The following ATL2 variants were observed in gnomAD, a reference collection of about 807,000 sequenced individuals.
ATL2 encodes atlastin-2.
Under a neutral mutation model 73.9 loss-of-function variants are expected in ATL2, and 31 were observed. The ratio of observed to expected loss-of-function variants is 0.42; its 90% CI spans 0.32 to 0.57. The LOEUF (loss-of-function observed/expected upper bound fraction) is 0.57. ATL2 is among the 20% of genes least tolerant of loss of function. The pLI, the probability that ATL2 is intolerant of heterozygous loss-of-function variation, is 0.14. For missense variants in ATL2, 738 were observed against 702.6 expected, an observed-to-expected ratio of 1.05 and a Z score of -0.57; for synonymous variants, 291 against 237.5, an observed-to-expected ratio of 1.23 and a Z score of -2.07.
At chr2:38,376,993 G>A (rs1319025599) in intron 1 of ATL2, 150 bp downstream of exon 1, 4 of 547,634 alleles carry the variant, frequency 7.3e-6, no homozygotes, top group African/African-American at 4.1e-5. Context: ...CGCGGCTGAG[G>A]CTAGGCCCGG....
chr2:38,377,032 T>C lies in ATL2; in HGVS notation c.118+111A>G, dbSNP rs1043384298. ...GCAGGCGCGGCGGCGGGAGGAGACC[T>C]GAACCAGCCGCGGACTCCGACCCCG... On this transcript the variant is annotated intron_variant, in intron 1 of 12. Coordinates refer to ENST00000378954, the MANE Select transcript of ATL2 (RefSeq NM_001135673.4). 6 of 984,168 alleles carry C rather than the reference T, an allele frequency of 6.1e-6. No individual in the cohort carries two copies. The African/African-American group carries it at 8.7e-5, about 14-fold the overall frequency. 61.0% of individuals were successfully genotyped at this position (984,168 alleles called of 1,614,324 possible).
intron 1 of ATL2, among the ~76,000 whole-genome samples, chr2:38,367,776 G>A (rs1158174460): frequency 6.6e-6 from 1 of 150,912 alleles, no homozygotes; most frequent in Admixed American, 6.6e-5. Context: ...GGGATTACAG[G>A]CGCTTGCCAC....
intron 2 of ATL2, among the ~76,000 whole-genome samples, chr2:38,332,214 T>G (rs890121358): frequency 6.7e-6 from 1 of 150,012 alleles, no homozygotes; most frequent in African/African-American, 2.5e-5. Flanking sequence ...TGATGGAAAC[T>G]TTGTTTCTTT....
rs1228096563 is a variant in ATL2, at chr2:38,315,266, A to G, written c.654+18T>C. ...AACTCCATCTCAAAAAATAAAAATT[A>G]AAAAAAGAAATACGTACTTGCAAAT... is the stretch of plus-strand genomic sequence containing the variant. On this transcript the variant is annotated intron_variant, in intron 5 of 12. Transcript: ENST00000378954. 2 of 1,474,974 alleles carry G rather than the reference A, an allele frequency of 1.4e-6. No homozygotes were observed. Among genetic ancestry groups the G allele is most frequent in the South Asian group, 2.9e-5 (2 of 69,938 alleles). 91.4% of individuals were successfully genotyped at this position (1,474,974 alleles called of 1,614,324 possible).
intron 1 of ATL2, among the ~76,000 whole-genome samples, chr2:38,347,530 CAT>C (rs933173150): frequency 2.6e-5 from 4 of 152,142 alleles, no homozygotes; most frequent in African/African-American, 9.7e-5. Flanking sequence ...CAGGTTTATT[CAT>C]AGTTTTTTTC....
intron 1 of ATL2, chr2:38,376,076 T>C (rs774697267): frequency 7.0e-7 from 1 of 1,418,526 alleles, no homozygotes; most frequent in Non-Finnish European, 9.3e-7. Context: ...CGAGCTCGTA[T>C]CTGTATTTAA....
chr2:38,316,620 T>C (rs568592925), intron 4 of ATL2, among the ~76,000 whole-genome samples: 2 of 152,096 alleles, frequency 1.3e-5, no homozygotes, highest in Non-Finnish European at 2.9e-5. Context: ...TCTTGGTTAT[T>C]TATACTTTAC....
intron 5 of ATL2, 93 bp downstream of exon 5, chr2:38,315,191 C>T: frequency 8.1e-7 from 1 of 1,239,696 alleles, no homozygotes; most frequent in Non-Finnish European, 1.0e-6. Context: ...GGGGAGGTTG[C>T]AGTGAACCAA....
At chr2:38,371,934 C>T (rs1331243460) in intron 1 of ATL2, among the ~76,000 whole-genome samples, 1 of 151,792 alleles carries the variant, frequency 6.6e-6, no homozygotes, top group Non-Finnish European at 1.5e-5. Context: ...CATCATAGAC[C>T]TAGTATTAAA....
At chr2:38,369,116 G>A (rs375545343) in intron 1 of ATL2, among the ~76,000 whole-genome samples, 1 of 152,106 alleles carries the variant, frequency 6.6e-6, no homozygotes, top group East Asian at 1.9e-4. Flanking sequence ...ATGAATAAAT[G>A]GGTAAAACCT....
chr2:38,328,469 A>T (rs1031715556), intron 2 of ATL2, among the ~76,000 whole-genome samples: 1 of 152,244 alleles, frequency 6.6e-6, no homozygotes, highest in Non-Finnish European at 1.5e-5. Flanking sequence ...GATAATACAA[A>T]GTATGCTCTC....
intron 1 of ATL2, among the ~76,000 whole-genome samples, chr2:38,370,130 G>A (rs1016276588): frequency 7.0e-6 from 1 of 142,020 alleles, no homozygotes; most frequent in Non-Finnish European, 1.5e-5. Flanking sequence ...ACTCCAACCT[G>A]GGCGACAGCG....
chr2:38,360,618 G>T (rs1670957937), intron 1 of ATL2, among the ~76,000 whole-genome samples: 1 of 152,060 alleles, frequency 6.6e-6, no homozygotes, highest in South Asian at 2.1e-4. Flanking sequence ...CAGAAATTCA[G>T]ACATTTTATT....
At chr2:38,376,870 C>A (rs992315780) in intron 1 of ATL2, among the ~76,000 whole-genome samples, 16 of 150,598 alleles carry the variant, frequency 1.1e-4, no homozygotes, top group African/African-American at 3.9e-4. Context: ...GGCGGGCTGG[C>A]GGGCAGGGGG....
intron 9 of ATL2, among the ~76,000 whole-genome samples, chr2:38,302,292 G>C (rs987055685): frequency 2.6e-5 from 4 of 151,902 alleles, no homozygotes; most frequent in African/African-American, 9.7e-5. Context: ...AGAGTCTCCT[G>C]CTTGAGTAAA....
In ATL2 at chr2:38,348,745, A is replaced by C. The variant is rs958813061; in HGVS notation, c.119-5233T>G. ...TCAGAGTGAACAGGCAACCTACAAAATGGGAGAAAATTTTCGCAACCTACT... is the reference window on the plus strand; with the variant it reads ...TCAGAGTGAACAGGCAACCTACAAACTGGGAGAAAATTTTCGCAACCTACT... On this transcript the variant is annotated intron_variant, in intron 1 of 12. Coordinates refer to ENST00000378954, the MANE Select transcript of ATL2 (RefSeq NM_001135673.4). Among the ~76,000 whole-genome samples, 10 of 151,936 alleles carry C rather than the reference A, an allele frequency of 6.6e-5. No homozygotes were observed. The Middle Eastern group carries it at 0.01, about 155-fold the overall frequency.
At position 38,366,107 on chromosome 2, in the gene ATL2, A is replaced by C. The variant is rs547695999; in HGVS notation, c.118+11036T>G. ...AAATGTGACTAATTTGAAAAAAAAA[A>C]AAAAAACAAAGATAAAGTCAGAGCT... is the stretch of plus-strand genomic sequence containing the variant. On this transcript the variant is annotated intron_variant, in intron 1 of 12. Transcript: ENST00000378954. Among the ~76,000 whole-genome samples, 4 of 152,142 alleles carry C rather than the reference A, an allele frequency of 2.6e-5. No homozygotes were observed. In the South Asian group the frequency reaches 6.2e-4, roughly 24 times the overall value.
intron 9 of ATL2, among the ~76,000 whole-genome samples, chr2:38,301,099 T>C (rs1667166391): frequency 6.6e-6 from 1 of 151,786 alleles, no homozygotes; most frequent in Non-Finnish European, 1.5e-5. Flanking sequence ...GCCTCCCGAG[T>C]AGCTGGGATT....
At position 38,314,683 on chromosome 2, in the gene ATL2, T is replaced by C. The variant is rs779052696; in HGVS notation, c.655-19A>G. The stretch of plus-strand genomic sequence containing the variant: ...TAAATAACTATTAAATAGAGTTAGT[T>C]AAAATAATGCCTCTAAAGAGATTGA... On this transcript the variant is annotated intron_variant, in intron 5 of 12. Transcript: ENST00000378954. 2.9e-5 allele frequency: 44 copies of C among 1,501,802 alleles called. No individual in the cohort carries two copies. The highest frequency in any genetic ancestry group is 4.1e-5 in the Non-Finnish European group (44 of 1,082,010). 93.0% of individuals were successfully genotyped at this position (1,501,802 alleles called of 1,614,324 possible). A position where few individuals can be genotyped will look rare whatever the true frequency, so the allele number is the denominator to read the frequency against.
Sources: allele counts gnomAD v4.1 joint callset (sites outside exome capture counted in the v4.1 genomes callset), GRCh38; gene constraint gnomAD v4.1.1; transcripts MANE v1.5; gene names NCBI Gene and HGNC (gene_info 2026-07-23, HGNC 2026-07-21).